Variants in DSG2 observed in about 807,000 individuals in gnomAD.
DSG2 encodes the protein desmoglein 2, also known as desmoglein-2.
A neutral mutation model predicts 75.6 loss-of-function variants in DSG2; 45 were observed. The ratio of observed to expected loss-of-function variants is 0.60; its 90% confidence interval spans 0.47 to 0.76. The LOEUF (loss-of-function observed/expected upper bound fraction) is 0.76, where lower values mean the gene tolerates loss of function less well. Among genes scored for constraint, DSG2 ranks in the 30% least tolerant of loss-of-function variants. The pLI, the probability that DSG2 is intolerant of heterozygous loss-of-function variation, is 0.00. For missense variants in DSG2, 1,267 were observed against 1,357.4 expected (o/e 0.93, Z 1.05); for synonymous variants, 429 against 483.9 (o/e 0.89, Z 1.49).
chr18:31,516,357 A>T (rs2073094422), intron 1 of DSG2, among the ~76,000 whole-genome samples: 1 of 152,208 alleles, frequency 6.6e-6, no homozygotes, highest in Admixed American at 6.5e-5. Flanking sequence ...CTGTGGGGAA[A>T]GAAGGGAAGG....
rs1489757920 is a variant in DSG2 at position 31,548,022 on chromosome 18, T to G, written c.*1279T>G. On this transcript the variant is annotated 3_prime_UTR_variant, in exon 15 of 15. Coordinates refer to ENST00000261590, the MANE Select transcript of DSG2 (RefSeq NM_001943.5). Reference sequence around the variant, plus strand: ...AAAACCATTCGTTTTTGTTTACAATTGCCAAAAATCTCAAAAGGCCCTGTA... The same window carrying G: ...AAAACCATTCGTTTTTGTTTACAATGGCCAAAAATCTCAAAAGGCCCTGTA... 1 of 152,194 alleles carries G rather than the reference T, an allele frequency of 6.6e-6. No homozygotes were observed. Among genetic ancestry groups the G allele is most frequent in the Non-Finnish European group, 1.5e-5 (1 of 68,026 alleles). The allele number at this position is 152,194 out of a possible 1,614,324, so 9.4% of individuals were successfully genotyped here.
Position 31,519,907 on chromosome 18 carries a change from G to A in DSG2, c.186G>A (p.Glu62=), listed in dbSNP as rs772314972. 2.5e-6 allele frequency: 4 copies of A among 1,614,084 alleles called. No individual in the cohort carries two copies. Among genetic ancestry groups the A allele is most frequent in the Non-Finnish European group, 3.4e-6 (4 of 1,180,018 alleles). ...CCCCCGTGGCTCTTCGGGAGGGAGA[G>A]GATCTGTCCAAGAAGAATCCAATTG... ...ITAPVALREG[E]DLSKKNPIAK... is the part of the protein sequence containing the mutation. Residue 62 remains glutamate (E), a synonymous_variant, in exon 3 of 15, where the codon GAG becomes GAA. Transcript: ENST00000261590.
chr18:31,537,062 G>GAATCTGAGACTT (rs2073235416), intron 11 of DSG2, among the ~76,000 whole-genome samples: 1 of 152,144 alleles, frequency 6.6e-6, no homozygotes, highest in Non-Finnish European at 1.5e-5. Flanking sequence ...CTTCAGGGTG[G>GAATCTGAGACTT]TTCTGAATGC....
intron 1 of DSG2, among the ~76,000 whole-genome samples, chr18:31,513,844 G>A (rs894277531): frequency 1.3e-5 from 2 of 152,142 alleles, no homozygotes; most frequent in African/African-American, 2.4e-5. Context: ...CAGCTAGTAT[G>A]GTGTGACAGA....
Position 31,531,231 on chromosome 18 carries a change from C to G in DSG2, c.1259C>G (p.Thr420Ser). The G allele has an allele frequency of 6.2e-7, 1 of 1,614,184 alleles. No homozygotes were observed. The highest frequency in any genetic ancestry group is 8.5e-7 in the Non-Finnish European group (1 of 1,180,020). Residue 420 changes from threonine to serine, a missense_variant, in exon 9 of 15, where the codon ACT becomes AGT. Transcript: ENST00000261590. ...AATTTTCAAGCTTTTGATGAGGACA[C>G]TGGACTACCAGCCCATGCAAGGTAA... ...IGNFQAFDED[T>S]GLPAHARYVK...
rs11542765 is a variant in DSG2 at position 31,547,308 on chromosome 18, A to G, written c.*565A>G. 45,956 of 200,666 alleles carry G rather than the reference A, an allele frequency of 0.23. 6,442 individuals carry two copies. Among genetic ancestry groups the G allele is most frequent in the East Asian group, 0.51 (4,260 of 8,384 alleles). The allele number at this position is 200,666 out of a possible 1,614,324, so 12.4% of individuals were successfully genotyped here. ...TTCATTAAATTGGACCATTGATGAT[A>G]AGAATACACATTGTATGTTTCTGTG... On this transcript the variant is annotated 3_prime_UTR_variant, in exon 15 of 15. Coordinates refer to ENST00000261590, the MANE Select transcript of DSG2 (RefSeq NM_001943.5).
At position 31,523,215 on chromosome 18, in the gene DSG2, C is replaced by G. The variant is rs531447250; in HGVS notation, c.690+966C>G. On this transcript the variant is annotated intron_variant, in intron 6 of 14. Transcript: ENST00000261590. ...AGGAGATCGAGACCATCCTGGCTAA[C>G]ACGGTGAAACCCCATCTCTACTAAA... Among the ~76,000 whole-genome samples, 4 of 152,156 alleles carry G rather than the reference C, an allele frequency of 2.6e-5. No individual in the cohort carries two copies. The East Asian group carries it at 5.8e-4, about 22-fold the overall frequency.
chr18:31,544,916 G>C (rs2073294725), intron 14 of DSG2, among the ~76,000 whole-genome samples: 1 of 152,126 alleles, frequency 6.6e-6, no homozygotes, highest in South Asian at 2.1e-4. Flanking sequence ...AGTTACTTCT[G>C]TCCCCCTCTT....
At chr18:31,517,912 G>T (rs2073103016) in intron 1 of DSG2, among the ~76,000 whole-genome samples, 1 of 152,122 alleles carries the variant, frequency 6.6e-6, no homozygotes, top group South Asian at 2.1e-4. Context: ...AGCAGGTCCT[G>T]GAGAACACAA....
intron 14 of DSG2, among the ~76,000 whole-genome samples, chr18:31,545,275 T>C (rs891646507): frequency 5.3e-5 from 8 of 152,226 alleles, no homozygotes; most frequent in Non-Finnish European, 1.2e-4. Context: ...ACATTTGCTA[T>C]TTGCTTTTCC....
In DSG2 at chr18:31,538,861, C is replaced by G. The variant is rs1278145047; in HGVS notation, c.1762C>G (p.Leu588Val). ...TTGTCCTGAAAAGCAGGTCCTTACA[C>G]TCACAGTTTGTGAGTGTCTGCATGG... ...FSCPEKQVLT[L>V]TVCECLHGSG... The change falls in exon 12 of 15, where the codon CTC becomes GTC. Residue 588 changes from leucine (L) to valine (V), a missense_variant. Leu to Val is a conservative substitution (Grantham distance 32). Coordinates refer to ENST00000261590, the MANE Select transcript of DSG2 (RefSeq NM_001943.5). 4 of 1,614,192 alleles carry G rather than the reference C, an allele frequency of 2.5e-6. No homozygotes were observed. Among genetic ancestry groups the G allele is most frequent in the Non-Finnish European group, 3.4e-6 (4 of 1,180,038 alleles).
At chr18:31,518,725 T>TAA (rs11391914) in intron 2 of DSG2, among the ~76,000 whole-genome samples, 10 of 148,650 alleles carry the variant, frequency 6.7e-5, no homozygotes, top group South Asian at 2.1e-4. Flanking sequence ...TTTGTTCAAG[T>TAA]AAAAAAAAAA....
intron 14 of DSG2, among the ~76,000 whole-genome samples, chr18:31,544,048 GAA>G (rs2073288088): frequency 6.6e-6 from 1 of 151,988 alleles, no homozygotes; most frequent in African/African-American, 2.4e-5. Context: ...AAAAACAACT[GAA>G]AGAGAAACAG....
chr18:31,536,021 A>G (rs2848676), intron 10 of DSG2, among the ~76,000 whole-genome samples, 181 bp from the exon 11 acceptor site: 8 of 152,224 alleles, frequency 5.3e-5, no homozygotes, highest in African/African-American at 1.9e-4. Flanking sequence ...TAAATCTCAC[A>G]TTTCTACTTG....
At chr18:31,519,435 A>G (rs1457281367) in intron 2 of DSG2, among the ~76,000 whole-genome samples, 1 of 152,092 alleles carries the variant, frequency 6.6e-6, no homozygotes, top group Non-Finnish European at 1.5e-5. Flanking sequence ...GTGGTGGTGC[A>G]TGCCTGTAAT....
In DSG2 at chr18:31,547,103, A is replaced by G; in HGVS notation, c.*360A>G. On this transcript the variant is annotated 3_prime_UTR_variant, in exon 15 of 15. Transcript: ENST00000261590. ...CAGCCGTCCAGTAAAGCAACCCAGG[A>G]AACTGACTGGGTCTCTTTGCCTACC... 5.4e-6 allele frequency: 2 copies of G among 373,214 alleles called. No individual in the cohort carries two copies. The highest frequency in any genetic ancestry group is 4.5e-5 in the South Asian group (2 of 44,152). 23.1% of individuals were successfully genotyped at this position (373,214 alleles called of 1,614,324 possible).
At chr18:31,503,395 G>A (rs985813408) in intron 1 of DSG2, among the ~76,000 whole-genome samples, 1 of 152,206 alleles carries the variant, frequency 6.6e-6, no homozygotes, top group African/African-American at 2.4e-5. Flanking sequence ...TCTAGGTAGA[G>A]AGAAGAGCAT....
chr18:31,505,641 T>C (rs886715113), intron 1 of DSG2, among the ~76,000 whole-genome samples: 7 of 151,328 alleles, frequency 4.6e-5, no homozygotes, highest in African/African-American at 1.7e-4. Context: ...ATAGGTTAAG[T>C]AGTAATTTTT....
At chr18:31,542,392 T>C (rs770297560) in intron 13 of DSG2, 128 bp from the exon 14 acceptor site, 6 of 928,032 alleles carry the variant, frequency 6.5e-6, no homozygotes, top group Non-Finnish European at 8.8e-6. Context: ...TCAAAATACT[T>C]TTTCTAACTG....
Sources: allele counts gnomAD v4.1 joint callset (sites outside exome capture counted in the v4.1 genomes callset), GRCh38; gene constraint gnomAD v4.1.1; transcripts MANE v1.5; gene names NCBI Gene and HGNC (gene_info 2026-07-23, HGNC 2026-07-21).